Variants in HSCB observed in about 807,000 individuals in gnomAD.
HSCB encodes HscB mitochondrial iron-sulfur cluster cochaperone, also known as iron-sulfur cluster co-chaperone protein HscB.
A neutral mutation model predicts 31.3 loss-of-function variants in HSCB; 23 were observed. That is an observed-to-expected ratio of 0.74 (90% confidence interval 0.53 to 1.04). The LOEUF (loss-of-function observed/expected upper bound fraction) is 1.04. HSCB is among the 50% of genes least tolerant of loss of function. HSCB has a pLI of 0.00. For synonymous variants in HSCB, 110 were observed against 104.5 expected, an observed-to-expected ratio of 1.05 and a Z score of -0.32; for missense variants, 297 against 288.1, an observed-to-expected ratio of 1.03 and a Z score of -0.22.
chr22:28,744,353 A>C (rs1338571715), intron 2 of HSCB, among the ~76,000 whole-genome samples: 1 of 152,188 alleles, frequency 6.6e-6, no homozygotes, highest in East Asian at 1.9e-4. Flanking sequence ...GGAGTTCAAG[A>C]CCAGCCTGGC....
chr22:28,747,072 TAAAC>T (rs549254562), intron 4 of HSCB, among the ~76,000 whole-genome samples: 179 of 151,730 alleles, frequency 1.2e-3, no homozygotes, highest in African/African-American at 4.0e-3. Flanking sequence ...ACAAAAAAAA[TAAAC>T]AAAATCTATA....
chr22:28,746,853 C>T (rs949814630), intron 4 of HSCB, among the ~76,000 whole-genome samples: 2 of 150,256 alleles, frequency 1.3e-5, no homozygotes, highest in African/African-American at 2.5e-5. Context: ...GAGCCCAGAT[C>T]GTGCCACTGC....
intron 5 of HSCB, among the ~76,000 whole-genome samples, chr22:28,754,253 G>A (rs1441463486): frequency 6.6e-6 from 1 of 152,194 alleles, no homozygotes; most frequent in Non-Finnish European, 1.5e-5. Flanking sequence ...ACTTATATGA[G>A]GTACCTGTGG....
At chr22:28,743,738 G>A (rs2054634740) in intron 1 of HSCB, 144 bp from the exon 2 acceptor site, 2 of 654,954 alleles carry the variant, frequency 3.1e-6, no homozygotes, top group East Asian at 2.8e-5. Flanking sequence ...ACTCTGTTCT[G>A]TGTCCCTTCA....
intron 5 of HSCB, among the ~76,000 whole-genome samples, chr22:28,753,206 T>C (rs964148122): frequency 2.0e-5 from 3 of 152,020 alleles, no homozygotes; most frequent in Admixed American, 2.0e-4. Context: ...TTTAAATTGA[T>C]CTAACAAAGT....
chr22:28,754,006 G>A (rs1383710441), intron 5 of HSCB, among the ~76,000 whole-genome samples: 2 of 150,064 alleles, frequency 1.3e-5, no homozygotes, highest in African/African-American at 4.9e-5. Flanking sequence ...GGTGGCAGAT[G>A]CCTGTAATCC....
At chr22:28,746,604 A>G (rs1482324293) in intron 4 of HSCB, among the ~76,000 whole-genome samples, 1 of 150,902 alleles carries the variant, frequency 6.6e-6, no homozygotes, top group Non-Finnish European at 1.5e-5. Flanking sequence ...ATACAAAAAA[A>G]TCAGCCAAGC....
intron 5 of HSCB, among the ~76,000 whole-genome samples, chr22:28,754,553 C>T (rs1246738474): frequency 6.6e-6 from 1 of 151,854 alleles, no homozygotes; most frequent in African/African-American, 2.4e-5. Flanking sequence ...GCCTGTAATC[C>T]CAGCTACTTG....
chr22:28,757,022 T>A, intron 5 of HSCB, 56 bp from the exon 6 acceptor site: 2 of 987,200 alleles, frequency 2.0e-6, no homozygotes, highest in Non-Finnish European at 3.3e-6. Context: ...GTCATCAGAG[T>A]TGGTTTTATT....
intron 4 of HSCB, among the ~76,000 whole-genome samples, chr22:28,749,679 G>T (rs1035785264): frequency 6.6e-6 from 1 of 152,176 alleles, no homozygotes; most frequent in Non-Finnish European, 1.5e-5. Context: ...AGAATTTGTG[G>T]TGAGGGGACC....
intron 3 of HSCB, among the ~76,000 whole-genome samples, 177 bp downstream of exon 3, chr22:28,744,881 A>T (rs1337035161): frequency 1.3e-5 from 2 of 151,876 alleles, no homozygotes; most frequent in Non-Finnish European, 2.9e-5. Context: ...CCAGGAGTTC[A>T]AGACCATCCT....
At position 28,744,513 on chromosome 22, in the gene HSCB, C is replaced by T. The variant is rs2054649899; in HGVS notation, c.334-102C>T. 4 of 809,196 alleles carry T rather than the reference C, an allele frequency of 4.9e-6. No individual in the cohort carries two copies. In the Admixed American group the frequency reaches 7.9e-5, roughly 16 times the overall value. The allele number at this position is 809,196 out of a possible 1,614,324, so 50.1% of individuals were successfully genotyped here. The stretch of plus-strand genomic sequence containing the variant: ...GTTGCAGTGAGCTGAGTTCGCGCCA[C>T]TGCACACTCCAGCCTGGATGACTCA... On this transcript the variant is annotated intron_variant, in intron 2 of 5. Transcript: ENST00000216027.
intron 5 of HSCB, among the ~76,000 whole-genome samples, chr22:28,753,135 A>G (rs1020397129): frequency 2.6e-5 from 4 of 152,212 alleles, no homozygotes; most frequent in African/African-American, 7.2e-5. Flanking sequence ...ACTTGGGTCT[A>G]CATAACGAAA....
chr22:28,751,160 A>G (rs1490261240), intron 4 of HSCB, 81 bp from the exon 5 acceptor site: 1 of 839,690 alleles, frequency 1.2e-6, no homozygotes, highest in Non-Finnish European at 1.9e-6. Flanking sequence ...TCAAACCAGC[A>G]TGATTACAAA....
At chr22:28,753,913 G>A (rs764510466) in intron 5 of HSCB, among the ~76,000 whole-genome samples, 1 of 151,926 alleles carries the variant, frequency 6.6e-6, no homozygotes, top group African/African-American at 2.4e-5. Context: ...GGGAGGCCAA[G>A]GTCGGCAGAT....
At chr22:28,742,545 G>T in intron 1 of HSCB, 1 of 813,238 alleles carries the variant, frequency 1.2e-6, no homozygotes, top group East Asian at 2.8e-5. Context: ...GTGGAGAAGG[G>T]AGACGAACGG....
intron 4 of HSCB, among the ~76,000 whole-genome samples, chr22:28,747,527 C>G (rs562166388): frequency 6.6e-6 from 1 of 152,086 alleles, no homozygotes; most frequent in African/African-American, 2.4e-5. Flanking sequence ...GCTTCAAACT[C>G]CTAGGTTCAA....
intron 5 of HSCB, among the ~76,000 whole-genome samples, chr22:28,752,112 T>C (rs1174322324): frequency 6.8e-6 from 1 of 146,652 alleles, no homozygotes; most frequent in African/African-American, 2.5e-5. Context: ...AAAAAAAACC[T>C]GAAGGAGGAA....
At chr22:28,751,387 A>G (rs773064038) in intron 5 of HSCB, 99 bp downstream of exon 5, 9 of 660,158 alleles carry the variant, frequency 1.4e-5, no homozygotes, top group Middle Eastern at 4.1e-4. Flanking sequence ...CCTTCCTATG[A>G]TAGCTATATA....
Sources: gnomAD v4.1 joint callset for allele counts (sites outside exome capture counted in the v4.1 genomes callset) on GRCh38, gnomAD v4.1.1 for gene constraint, MANE v1.5 for transcripts, NCBI Gene and HGNC (gene_info 2026-07-23, HGNC 2026-07-21) for gene names.